Variants in MYO1H observed in about 807,000 individuals in gnomAD.
The protein encoded by MYO1H is myosin IH.
A neutral mutation model predicts 149.3 loss-of-function variants in MYO1H; 118 were observed. The ratio of observed to expected loss-of-function variants is 0.79; its 90% CI spans 0.68 to 0.92. MYO1H has a LOEUF of 0.92. MYO1H is among the 40% of genes least tolerant of loss of function. The pLI, the probability that MYO1H is intolerant of heterozygous loss-of-function variation, is 0.00. For synonymous variants in MYO1H, 447 were observed against 465.2 expected, an observed-to-expected ratio of 0.96 and a Z score of 0.50; for missense variants, 1,212 against 1,280.7, an observed-to-expected ratio of 0.95 and a Z score of 0.82.
the MYO1H span, among the ~76,000 whole-genome samples, chr12:109,320,801 G>C: frequency 2.6e-5 from 4 of 151,988 alleles, no homozygotes; most frequent in Non-Finnish European, 5.9e-5. Flanking sequence ...TGTTAAAGAA[G>C]ATCCTCGGCT....
intron 1 of MYO1H, chr12:109,357,204 T>C (rs1315887234): frequency 6.6e-6 from 1 of 152,254 alleles, no homozygotes; most frequent in Non-Finnish European, 1.5e-5. Context: ...GGAAAGGTGA[T>C]GTCTCAACTC....
At chr12:109,354,296 A>G (rs1868531726) in intron 1 of MYO1H, 1 of 152,058 alleles carries the variant, frequency 6.6e-6, no homozygotes, top group African/African-American at 2.4e-5. Context: ...CCTTGCCATA[A>G]TAAGCTATAA....
At chr12:109,349,497 C>CGAA (rs150233595) in intron 1 of MYO1H, among the ~76,000 whole-genome samples, 1 of 144,428 alleles carries the variant, frequency 6.9e-6, no homozygotes, top group African/African-American at 2.7e-5. Context: ...ACCCCCCCAC[C>CGAA]AAAAAAATTA....
the MYO1H span, among the ~76,000 whole-genome samples, chr12:109,310,523 A>G: frequency 6.6e-6 from 1 of 151,430 alleles, no homozygotes; most frequent in Non-Finnish European, 1.5e-5. Flanking sequence ...AGGCTCAGGC[A>G]CCCGAAGCGT....
the MYO1H span, among the ~76,000 whole-genome samples, chr12:109,315,933 G>T: frequency 1.3e-5 from 2 of 152,122 alleles, no homozygotes; most frequent in Non-Finnish European, 2.9e-5. Context: ...TATACATCTC[G>T]TTCTGACTTC....
chr12:109,333,555 AG>A, the MYO1H span, among the ~76,000 whole-genome samples: 1 of 152,042 alleles, frequency 6.6e-6, no homozygotes, highest in East Asian at 1.9e-4. Context: ...AGATGAACTG[AG>A]ACTGCAACCA....
At chr12:109,376,834 A>G (rs1352046363) in intron 1 of MYO1H, among the ~76,000 whole-genome samples, 1 of 152,156 alleles carries the variant, frequency 6.6e-6, no homozygotes, top group Non-Finnish European at 1.5e-5. Flanking sequence ...GTTTTACTTA[A>G]ACTTCTTGGG....
At chr12:109,396,358 T>C (rs747612526) in intron 3 of MYO1H, 26 bp from the exon 4 acceptor site, 5 of 1,570,526 alleles carry the variant, frequency 3.2e-6, no homozygotes. Flanking sequence ...TAAAACGAAT[T>C]TGTTTCCGTC....
intron 15 of MYO1H, among the ~76,000 whole-genome samples, chr12:109,420,347 C>T (rs1173585321): frequency 6.6e-6 from 1 of 152,146 alleles, no homozygotes; most frequent in East Asian, 1.9e-4. Context: ...TCCATTCTCA[C>T]ATTGCTATAA....
At chr12:109,325,240 A>G in the MYO1H span, among the ~76,000 whole-genome samples, 1 of 152,204 alleles carries the variant, frequency 6.6e-6, no homozygotes, top group African/African-American at 2.4e-5. Context: ...ATACCCAGTA[A>G]TGGGATTGCT....
chr12:109,445,768 G>A, intron 31 of MYO1H, 156 bp downstream of exon 31: 1 of 985,300 alleles, frequency 1.0e-6, no homozygotes, highest in Non-Finnish European at 1.2e-6. Flanking sequence ...AAGACAGGAA[G>A]AAACTGATAT....
At chr12:109,412,968 GTTGTTGTTGTTGTTA>G (rs1870737840) in intron 14 of MYO1H, among the ~76,000 whole-genome samples, 2 of 148,898 alleles carry the variant, frequency 1.3e-5, no homozygotes, top group Non-Finnish European at 3.0e-5. Context: ...TGTTGTTGTT[GTTGTTGTTGTTGTTA>G]TTATTATTAT....
intron 15 of MYO1H, among the ~76,000 whole-genome samples, chr12:109,417,185 A>G (rs919181350): frequency 8.5e-5 from 13 of 152,096 alleles, no homozygotes; most frequent in Non-Finnish European, 1.9e-4. Flanking sequence ...TAAAAAATAT[A>G]TATGTTAACT....
intron 25 of MYO1H, among the ~76,000 whole-genome samples, chr12:109,441,137 C>T (rs183674989): frequency 5.1e-4 from 78 of 152,290 alleles, no homozygotes; most frequent in East Asian, 4.6e-3. Context: ...TGCTAACCTG[C>T]GGGTCTTTTG....
chr12:109,355,528 C>T (rs547780270), intron 1 of MYO1H, among the ~76,000 whole-genome samples: 25 of 152,154 alleles, frequency 1.6e-4, no homozygotes, highest in African/African-American at 4.8e-4. Context: ...AAATTATCTA[C>T]GATACCTGTC....
At chr12:109,435,480 C>G (rs1247631684) in intron 21 of MYO1H, among the ~76,000 whole-genome samples, 1 of 152,166 alleles carries the variant, frequency 6.6e-6, no homozygotes, top group Admixed American at 6.5e-5. Flanking sequence ...AAGCCTGCAG[C>G]CTGGGTGTTT....
At chr12:109,427,893 A>AT (rs1871421607) in intron 19 of MYO1H, among the ~76,000 whole-genome samples, 4 of 48,430 alleles carry the variant, frequency 8.3e-5, no homozygotes, top group African/African-American at 3.8e-4. Context: ...AAAAAAAAAA[A>AT]AAAAAAAAAA....
intron 1 of MYO1H, among the ~76,000 whole-genome samples, chr12:109,368,161 T>C (rs909649685): frequency 2.0e-5 from 3 of 152,336 alleles, no homozygotes; most frequent in East Asian, 1.9e-4. Flanking sequence ...CATTACAAGA[T>C]GGTTTGTGAC....
chr12:109,363,372 G>A (rs889322849), intron 1 of MYO1H, among the ~76,000 whole-genome samples: 1 of 152,166 alleles, frequency 6.6e-6, no homozygotes, highest in African/African-American at 2.4e-5. Context: ...CCTGAAGAGA[G>A]GAATCCAGAA....
Sources: gnomAD v4.1 joint callset for allele counts (sites outside exome capture counted in the v4.1 genomes callset) on GRCh38, gnomAD v4.1.1 for gene constraint, MANE v1.5 for transcripts, NCBI Gene and HGNC (gene_info 2026-07-23, HGNC 2026-07-21) for gene names.